FHIP2A: variants seen among roughly 807,000 people sequenced by gnomAD.
The protein encoded by FHIP2A is FHF complex subunit HOOK interacting protein 2A, also known as family with sequence similarity 160 member B1.
Under a neutral mutation model 93.5 loss-of-function variants are expected in FHIP2A, and 46 were observed. That is an observed-to-expected ratio of 0.49 (90% CI 0.39 to 0.63). The LOEUF (loss-of-function observed/expected upper bound fraction) is 0.63. FHIP2A is among the 20% of genes least tolerant of loss of function. The probability of loss-of-function intolerance (pLI) is 0.00; values close to 1 mark genes in which losing one functional copy is unlikely to be tolerated. For missense variants in FHIP2A, 769 were observed against 909.7 expected, an observed-to-expected ratio of 0.85 and a Z score of 1.99; for synonymous variants, 332 against 326.5, an observed-to-expected ratio of 1.02 and a Z score of -0.18.
At position 114,861,566 on chromosome 10, in the gene FHIP2A, A is replaced by G. The variant is rs1484136667; in HGVS notation, c.*26A>G. ...ATAACATCTTTCATGTAACTGGGGG[A>G]ACAGAACTACTGTGTACATTTCACC... On this transcript the variant is annotated 3_prime_UTR_variant, in exon 17 of 17. Coordinates refer to ENST00000369248, the MANE Select transcript of FHIP2A (RefSeq NM_020940.4). 5 of 1,610,208 alleles carry G rather than the reference A, an allele frequency of 3.1e-6. No homozygotes were observed. Among genetic ancestry groups the G allele is most frequent in the Admixed American group, 1.7e-5 (1 of 59,894 alleles).
intron 16 of FHIP2A, among the ~76,000 whole-genome samples, chr10:114,883,735 C>T (rs375730672): frequency 6.6e-6 from 1 of 152,156 alleles, no homozygotes; most frequent in Non-Finnish European, 1.5e-5. Flanking sequence ...GCATGCACCA[C>T]CCCTGGCTAA....
At chr10:114,842,840 C>A in intron 5 of FHIP2A, 93 bp from the exon 6 acceptor site, 1 of 769,228 alleles carries the variant, frequency 1.3e-6, no homozygotes, top group South Asian at 1.9e-5. Context: ...TTTGGCTAGG[C>A]ATGTGGAATG....
rs1423177018 is a variant in FHIP2A, at chr10:114,846,639, A to G, written c.1479A>G (p.Arg493=). The G allele has an allele frequency of 1.9e-6, 3 of 1,612,256 alleles. No homozygotes were observed. Among genetic ancestry groups the G allele is most frequent in the Non-Finnish European group, 2.5e-6 (3 of 1,179,404 alleles). The change falls in exon 11 of 17, where the codon AGA becomes AGG. Residue 493 remains arginine (R), a synonymous_variant. Transcript: ENST00000369248. The stretch of plus-strand genomic sequence containing the variant: ...ACATTCTTTACAACTTGGTCTTGAG[A>G]AATCTTGAAGAAAGAAATTATACAG... ...NEHILYNLVL[R]NLEERNYTEY... is the part of the protein sequence containing the mutation.
At chr10:114,890,007 G>T (rs531430422) in intron 16 of FHIP2A, among the ~76,000 whole-genome samples, 1 of 152,070 alleles carries the variant, frequency 6.6e-6, no homozygotes, top group South Asian at 2.1e-4. Context: ...CTTTATCTCA[G>T]TCTCTTGATT....
chr10:114,849,739 G>A (rs1471259138), intron 13 of FHIP2A, among the ~76,000 whole-genome samples: 6 of 152,088 alleles, frequency 3.9e-5, no homozygotes, highest in East Asian at 1.9e-4. Flanking sequence ...AAAGAAACCC[G>A]GTACAAATAA....
At chr10:114,824,629 CA>C (rs1251010873) in intron 1 of FHIP2A, among the ~76,000 whole-genome samples, 1 of 152,198 alleles carries the variant, frequency 6.6e-6, no homozygotes, top group African/African-American at 2.4e-5. Flanking sequence ...GGAATGAACT[CA>C]TGTGCAATGA....
Position 114,864,169 on chromosome 10 carries a change from G to A in FHIP2A, c.*2629G>A. The A allele has an allele frequency of 4.1e-6, 4 of 983,494 alleles. No homozygotes were observed. Among genetic ancestry groups the A allele is most frequent in the South Asian group, 4.7e-5 (1 of 21,212 alleles). The allele number at this position is 983,494 out of a possible 1,614,324, so 60.9% of individuals were successfully genotyped here. On this transcript the variant is annotated 3_prime_UTR_variant, in exon 17 of 17. Coordinates refer to ENST00000369248, the MANE Select transcript of FHIP2A (RefSeq NM_020940.4). ...TCTTAGCTCGCTTACACTGTTGCTA[G>A]TGTAAACATTGTTACACTTAATTTT...
chr10:114,876,076 C>T (rs531724431), intron 16 of FHIP2A, among the ~76,000 whole-genome samples: 1 of 152,246 alleles, frequency 6.6e-6, no homozygotes, highest in East Asian at 1.9e-4. Flanking sequence ...GAGGAGGAAG[C>T]AGAAGAGACC....
intron 16 of FHIP2A, among the ~76,000 whole-genome samples, chr10:114,875,399 G>C (rs955553371): frequency 6.6e-6 from 1 of 152,032 alleles, no homozygotes; most frequent in Non-Finnish European, 1.5e-5. Flanking sequence ...GGAGAAGTAA[G>C]AAAGGAACAT....
chr10:114,867,266 G>A (rs149383633), downstream of FHIP2A, among the ~76,000 whole-genome samples: 5 of 151,312 alleles, frequency 3.3e-5, no homozygotes, highest in African/African-American at 1.2e-4. Flanking sequence ...AGAAACTTCT[G>A]CATCCTATTG....
At position 114,864,146 on chromosome 10, in the gene FHIP2A, T is replaced by A; in HGVS notation, c.*2606T>A. Reference sequence around the variant, plus strand: ...TGTATATATATAAGGACCAAAATTCTTAGCTCGCTTACACTGTTGCTAGTG... The same window carrying A: ...TGTATATATATAAGGACCAAAATTCATAGCTCGCTTACACTGTTGCTAGTG... On this transcript the variant is annotated 3_prime_UTR_variant, in exon 17 of 17. Transcript: ENST00000369248. The A allele has an allele frequency of 1.0e-6, 1 of 981,382 alleles. No individual in the cohort carries two copies. The highest frequency in any genetic ancestry group is 1.2e-6 in the Non-Finnish European group (1 of 825,852). 60.8% of individuals were successfully genotyped at this position (981,382 alleles called of 1,614,324 possible).
chr10:114,861,397 A>G, intron 16 of FHIP2A, 38 bp from the exon 17 acceptor site: 3 of 1,613,904 alleles, frequency 1.9e-6, no homozygotes, highest in Non-Finnish European at 2.5e-6. Context: ...ATCGGCTGCT[A>G]TCTTGAATTG....
rs2083806389 is a variant in FHIP2A at position 114,862,493 on chromosome 10, C to T, written c.*953C>T. ...AGCAATCAAAGTGCCAGTGGCTCCT[C>T]GATGTTTACATTTTTTTCTATTTTG... On this transcript the variant is annotated 3_prime_UTR_variant, in exon 17 of 17. Transcript: ENST00000369248. 1.0e-6 allele frequency: 1 copy of T among 987,210 alleles called. No individual in the cohort carries two copies. The highest frequency in any genetic ancestry group is 1.2e-6 in the Non-Finnish European group (1 of 829,992). 61.2% of individuals were successfully genotyped at this position (987,210 alleles called of 1,614,324 possible). A position where few individuals can be genotyped will look rare whatever the true frequency, so the allele number is the denominator to read the frequency against.
At position 114,822,002 on chromosome 10, in the gene FHIP2A, C is replaced by A; in HGVS notation, c.-77C>A. Reference sequence around the variant, plus strand: ...TTCACTCTGGAGCGGCCCCGGCAGCCGCAGCAGGGGCGGCGGCGGCGGATC... The same window carrying A: ...TTCACTCTGGAGCGGCCCCGGCAGCAGCAGCAGGGGCGGCGGCGGCGGATC... On this transcript the variant is annotated 5_prime_UTR_variant, in exon 1 of 17. Coordinates refer to ENST00000369248, the MANE Select transcript of FHIP2A (RefSeq NM_020940.4). 9.9e-7 allele frequency: 1 copy of A among 1,014,268 alleles called. No homozygotes were observed. The highest frequency in any genetic ancestry group is 1.3e-6 in the Non-Finnish European group (1 of 781,044). 62.8% of individuals were successfully genotyped at this position (1,014,268 alleles called of 1,614,324 possible).
chr10:114,823,348 G>T (rs1366075247), intron 1 of FHIP2A, among the ~76,000 whole-genome samples: 1 of 152,160 alleles, frequency 6.6e-6, no homozygotes, highest in Admixed American at 6.5e-5. Context: ...GGAGGGAAAT[G>T]ACAGTGGTAG....
chr10:114,823,866 T>G (rs1176850716), intron 1 of FHIP2A, among the ~76,000 whole-genome samples: 5 of 152,130 alleles, frequency 3.3e-5, no homozygotes, highest in African/African-American at 7.2e-5. Context: ...TAATCAAAAT[T>G]TACTATATTG....
chr10:114,878,318 A>T (rs2083899164), intron 16 of FHIP2A, among the ~76,000 whole-genome samples: 1 of 152,202 alleles, frequency 6.6e-6, no homozygotes, highest in Admixed American at 6.5e-5. Flanking sequence ...CTGGCTAAGA[A>T]CTCACTGAAC....
chr10:114,850,145 G>A (rs7903663), intron 13 of FHIP2A, among the ~76,000 whole-genome samples: 62,260 of 152,002 alleles, frequency 0.41, 13,346 homozygotes, highest in Non-Finnish European at 0.48. Context: ...GATGGGTCAC[G>A]TGGTAATTCT....
intron 13 of FHIP2A, among the ~76,000 whole-genome samples, chr10:114,851,047 G>A (rs534150269): frequency 6.6e-6 from 1 of 152,202 alleles, no homozygotes; most frequent in African/African-American, 2.4e-5. Context: ...CCGAGTAGCT[G>A]GGATTACAGG....
Sources: allele counts gnomAD v4.1 joint callset (sites outside exome capture counted in the v4.1 genomes callset), GRCh38; gene constraint gnomAD v4.1.1; transcripts MANE v1.5; gene names NCBI Gene and HGNC (gene_info 2026-07-23, HGNC 2026-07-21).